LIN7A: variants seen among roughly 807,000 people sequenced by gnomAD.
LIN7A encodes lin-7 cell polarity scaffold A.
Under a neutral mutation model 29.8 loss-of-function variants are expected in LIN7A, and 25 were observed. That is an observed-to-expected ratio of 0.84 (90% CI 0.61 to 1.17). The LOEUF (loss-of-function observed/expected upper bound fraction) is 1.17. Ranked by LOEUF, LIN7A falls within the 50% of genes most tolerant of loss-of-function variation. LIN7A has a pLI of 0.00. For missense variants in LIN7A, 239 were observed against 287.0 expected, an observed-to-expected ratio of 0.83 and a Z score of 1.21; for synonymous variants, 118 against 107.5, an observed-to-expected ratio of 1.10 and a Z score of -0.60.
intron 2 of LIN7A, among the ~76,000 whole-genome samples, chr12:80,866,346 T>C (rs1207475136): frequency 6.6e-6 from 1 of 152,202 alleles, no homozygotes; most frequent in East Asian, 1.9e-4. Context: ...TGGAGTTCCT[T>C]TTGAAAACTA....
At chr12:80,823,005 C>A (rs56323648) in intron 4 of LIN7A, among the ~76,000 whole-genome samples, 54,728 of 151,960 alleles carry the variant, frequency 0.36, 10,155 homozygotes, top group Non-Finnish European at 0.42. Context: ...GAAGCCCATA[C>A]AAACCCCAGA....
chr12:80,921,136 C>T (rs1592951779), intron 1 of LIN7A, among the ~76,000 whole-genome samples: 1 of 152,106 alleles, frequency 6.6e-6, no homozygotes, highest in Non-Finnish European at 1.5e-5. Context: ...GAGATTAGGC[C>T]TCAGAGAGCT....
intron 2 of LIN7A, among the ~76,000 whole-genome samples, chr12:80,849,420 G>A (rs1873224126): frequency 1.3e-5 from 2 of 152,076 alleles, no homozygotes; most frequent in Non-Finnish European, 2.9e-5. Flanking sequence ...TGCTTCTCTT[G>A]TAATAAACTC....
chr12:80,879,399 T>C (rs1472674428), intron 2 of LIN7A, among the ~76,000 whole-genome samples: 1 of 152,190 alleles, frequency 6.6e-6, no homozygotes, highest in Non-Finnish European at 1.5e-5. Flanking sequence ...CATTTGTCAT[T>C]GAGTTATTTC....
At chr12:80,840,031 T>C (rs1272936766) in intron 4 of LIN7A, among the ~76,000 whole-genome samples, 1 of 152,120 alleles carries the variant, frequency 6.6e-6, no homozygotes, top group Non-Finnish European at 1.5e-5. Flanking sequence ...TATGCCATAT[T>C]TTTTTTAAGT....
intron 4 of LIN7A, among the ~76,000 whole-genome samples, chr12:80,828,064 C>G (rs553619830): frequency 6.6e-6 from 1 of 151,968 alleles, no homozygotes; most frequent in Non-Finnish European, 1.5e-5. Flanking sequence ...AGATCAAAAT[C>G]ATTCACATGC....
At chr12:80,834,625 C>T (rs760587988) in intron 4 of LIN7A, among the ~76,000 whole-genome samples, 1 of 152,162 alleles carries the variant, frequency 6.6e-6, no homozygotes. Context: ...TCTAATACCA[C>T]AATTGCTGAT....
At chr12:80,830,821 G>C (rs929719272) in intron 4 of LIN7A, among the ~76,000 whole-genome samples, 1 of 152,032 alleles carries the variant, frequency 6.6e-6, no homozygotes, top group African/African-American at 2.4e-5. Flanking sequence ...GGTCACAGGA[G>C]AATGATCTGA....
intron 1 of LIN7A, among the ~76,000 whole-genome samples, chr12:80,893,329 T>G (rs1361440509): frequency 6.6e-6 from 1 of 152,204 alleles, no homozygotes; most frequent in Non-Finnish European, 1.5e-5. Flanking sequence ...CCTGACCTAC[T>G]ACCACAGACC....
intron 4 of LIN7A, among the ~76,000 whole-genome samples, chr12:80,835,445 G>T (rs1393276653): frequency 2.0e-5 from 3 of 152,100 alleles, no homozygotes; most frequent in Non-Finnish European, 4.4e-5. Flanking sequence ...CAATGACAAG[G>T]ATCCAATTTC....
chr12:80,838,473 C>T (rs757006798), intron 4 of LIN7A, among the ~76,000 whole-genome samples: 3 of 152,108 alleles, frequency 2.0e-5, no homozygotes, highest in Admixed American at 6.5e-5. Flanking sequence ...GCAAAATATA[C>T]CAGATCATGC....
intron 2 of LIN7A, among the ~76,000 whole-genome samples, chr12:80,867,493 G>C (rs181863370): frequency 3.3e-5 from 5 of 152,222 alleles, no homozygotes; most frequent in Non-Finnish European, 5.9e-5. Flanking sequence ...CTACCAGTTA[G>C]AGAGAGGTGA....
chr12:80,904,773 G>T (rs1366393028), intron 1 of LIN7A, among the ~76,000 whole-genome samples: 2 of 152,052 alleles, frequency 1.3e-5, no homozygotes, highest in African/African-American at 4.8e-5. Context: ...GAGATGTCTT[G>T]GGGGTGGAAC....
Position 80,935,706 on chromosome 12 carries a change from A to G in LIN7A, c.82+1935T>C, listed in dbSNP as rs375296465. 263 of 447,192 alleles carry G rather than the reference A, an allele frequency of 5.9e-4. 2 individuals carry two copies. Among genetic ancestry groups the G allele is most frequent in the Non-Finnish European group, 1.0e-3 (203 of 198,080 alleles). The allele number at this position is 447,192 out of a possible 1,614,324, so 27.7% of individuals were successfully genotyped here. On this transcript the variant is annotated intron_variant, in intron 1 of 5. Transcript: ENST00000552864. ...CAATAACCCATCATCTCTTGGTTAT[A>G]GATTTTCCATGAGCTGCTGATGAAT...
chr12:80,805,669 G>T (rs2121500454), intron 5 of LIN7A, among the ~76,000 whole-genome samples: 1 of 152,112 alleles, frequency 6.6e-6, no homozygotes, highest in South Asian at 2.1e-4. Flanking sequence ...AAACTGAGGT[G>T]CTTCAAGCTG....
intron 5 of LIN7A, among the ~76,000 whole-genome samples, chr12:80,807,082 T>TGTTTGTTTGTTTG (rs1565883912): frequency 1.5e-5 from 2 of 134,584 alleles, no homozygotes. Flanking sequence ...TTTTTTTTTT[T>TGTTTGTTTGTTTG]TTTTTTTTTG....
chr12:80,920,858 A>G (rs1431060705), intron 1 of LIN7A, among the ~76,000 whole-genome samples: 2 of 152,196 alleles, frequency 1.3e-5, no homozygotes, highest in African/African-American at 4.8e-5. Flanking sequence ...CTTAATATGT[A>G]CCATATTAAG....
At position 80,794,508 on chromosome 12, in the gene LIN7A, T is replaced by A. The variant is rs1410590120; in HGVS notation, c.*3219A>T. ...GATGTTTAAAATAATGTAGACAAAA[T>A]ATTCCACCTCTTGGGGTCCTACGGG... On this transcript the variant is annotated 3_prime_UTR_variant, in exon 6 of 6. Transcript: ENST00000552864. 6.6e-6 allele frequency: 1 copy of A among 152,102 alleles called. No individual in the cohort carries two copies. Among genetic ancestry groups the A allele is most frequent in the Non-Finnish European group, 1.5e-5 (1 of 68,002 alleles). 9.4% of individuals were successfully genotyped at this position (152,102 alleles called of 1,614,324 possible). A position where few individuals can be genotyped will look rare whatever the true frequency, so the allele number is the denominator to read the frequency against.
At chr12:80,880,989 T>A (rs189024890) in intron 2 of LIN7A, among the ~76,000 whole-genome samples, 40 of 152,294 alleles carry the variant, frequency 2.6e-4, no homozygotes, top group Non-Finnish European at 2.9e-5. Flanking sequence ...TAATTTTTTT[T>A]ATTCTAATCA....
Sources: gnomAD v4.1 joint callset for allele counts (sites outside exome capture counted in the v4.1 genomes callset) on GRCh38, gnomAD v4.1.1 for gene constraint, MANE v1.5 for transcripts, NCBI Gene and HGNC (gene_info 2026-07-23, HGNC 2026-07-21) for gene names.